The following RNF4 variants were observed in gnomAD, a reference collection of about 807,000 sequenced individuals.
RNF4 encodes E3 ubiquitin-protein ligase RNF4.
A neutral mutation model predicts 24.3 loss-of-function variants in RNF4; 7 were observed. The ratio of observed to expected loss-of-function variants is 0.29; its 90% CI spans 0.16 to 0.54. The LOEUF is 0.54. Among genes scored for constraint, RNF4 ranks in the 20% least tolerant of loss-of-function variants. The pLI, the probability that RNF4 is intolerant of heterozygous loss-of-function variation, is 0.95. For missense variants in RNF4, 209 were observed against 248.5 expected, an observed-to-expected ratio of 0.84 and a Z score of 1.07; for synonymous variants, 83 against 84.3, an observed-to-expected ratio of 0.98 and a Z score of 0.09.
intron 4 of RNF4, among the ~76,000 whole-genome samples, chr4:2,501,482 C>T (rs1042303037): frequency 6.6e-6 from 1 of 152,188 alleles, no homozygotes. Context: ...CTGCAGGGGA[C>T]GTGTGTATAC....
intron 1 of RNF4, chr4:2,469,988 C>T (rs1239616935): frequency 6.6e-6 from 1 of 152,266 alleles, no homozygotes; most frequent in Non-Finnish European, 1.5e-5. Context: ...CGCTTTTCCG[C>T]CTTTGATCCA....
chr4:2,472,667 C>T (rs987223287), intron 1 of RNF4, among the ~76,000 whole-genome samples: 4 of 151,070 alleles, frequency 2.6e-5, no homozygotes, highest in Non-Finnish European at 4.4e-5. Context: ...GCTACAGCTA[C>T]ATAGATTGTG....
rs1735761869 is a variant in RNF4 at position 2,497,139 on chromosome 4, A to G, written c.124+18A>G. Reference sequence around the variant, plus strand: ...GGAAACTGGTAAGATTGCCAGGGACACTACAACTGTGGGGTGTTAAAGTGG... The same window carrying G: ...GGAAACTGGTAAGATTGCCAGGGACGCTACAACTGTGGGGTGTTAAAGTGG... On this transcript the variant is annotated intron_variant, in intron 3 of 7. Coordinates refer to ENST00000314289, the MANE Select transcript of RNF4 (RefSeq NM_002938.5). 7.0e-6 allele frequency: 11 copies of G among 1,566,878 alleles called. No individual in the cohort carries two copies. Among genetic ancestry groups the G allele is most frequent in the Middle Eastern group, 1.7e-4 (1 of 6,002 alleles).
chr4:2,512,115 A>G lies in RNF4; in HGVS notation c.214+150A>G, dbSNP rs2269490. 0.87 allele frequency: 609,218 copies of G among 700,108 alleles called. 265,656 individuals are homozygous for G. Among genetic ancestry groups the G allele is most frequent in the African/African-American group, 0.93 (51,976 of 55,698 alleles). The allele number at this position is 700,108 out of a possible 1,614,324, so 43.4% of individuals were successfully genotyped here. A position where few individuals can be genotyped will look rare whatever the true frequency, so the allele number is the denominator to read the frequency against. On this transcript the variant is annotated intron_variant, in intron 5 of 7. Coordinates refer to ENST00000314289, the MANE Select transcript of RNF4 (RefSeq NM_002938.5). The surrounding 1 kb of genome is among the most constrained non-coding windows in gnomAD (Gnocchi z 4.1). ...CTTCGCAGATGCTGTGGTCAGACCC[A>G]CACAGCCAGTCCCCCTTGTGCCTGC... is the stretch of plus-strand genomic sequence containing the variant.
At chr4:2,497,304 A>C (rs377036277) in intron 3 of RNF4, 183 bp downstream of exon 3, 24 of 499,124 alleles carry the variant, frequency 4.8e-5, no homozygotes, top group East Asian at 3.6e-4. Flanking sequence ...TAACTGTTCA[A>C]CTCTGGTAAT....
In RNF4 at chr4:2,511,852, T is replaced by C. The variant is rs181533370; in HGVS notation, c.205-104T>C. On this transcript the variant is annotated intron_variant, in intron 4 of 7. Transcript: ENST00000314289. Reference sequence around the variant, plus strand: ...GGGCCTCTGCTGCTCACCAGAGGGTTCCACAGAGGGTGTCACACGTCAGAA... The same window carrying C: ...GGGCCTCTGCTGCTCACCAGAGGGTCCCACAGAGGGTGTCACACGTCAGAA... 355 of 1,177,842 alleles carry C rather than the reference T, an allele frequency of 3.0e-4. 1 individual carries two copies. Among genetic ancestry groups the C allele is most frequent in the Non-Finnish European group, 3.9e-4 (312 of 809,614 alleles). 73.0% of individuals were successfully genotyped at this position (1,177,842 alleles called of 1,614,324 possible).
At chr4:2,485,458 T>A (rs1397690979) in intron 1 of RNF4, among the ~76,000 whole-genome samples, 5 of 152,240 alleles carry the variant, frequency 3.3e-5, no homozygotes, top group Non-Finnish European at 5.9e-5. Context: ...TCCAGCTACC[T>A]TGGGCCCTTT....
intron 1 of RNF4, among the ~76,000 whole-genome samples, chr4:2,475,419 A>C (rs1402836384): frequency 1.3e-5 from 2 of 151,844 alleles, no homozygotes; most frequent in Non-Finnish European, 2.9e-5. Context: ...GCTCATTGCA[A>C]GCTCCGCCTC....
chr4:2,502,199 G>GT (rs1560410773), intron 4 of RNF4, among the ~76,000 whole-genome samples: 1 of 152,122 alleles, frequency 6.6e-6, no homozygotes, highest in East Asian at 1.9e-4. Flanking sequence ...GTCTGCAGAA[G>GT]TTTTTTTGTT....
At position 2,500,514 on chromosome 4, in the gene RNF4, G is replaced by A. The variant is rs528428593; in HGVS notation, c.125-145G>A. 42 of 739,842 alleles carry A rather than the reference G, an allele frequency of 5.7e-5. 1 individual carries two copies. The South Asian group carries it at 7.0e-4, about 12-fold the overall frequency. The allele number at this position is 739,842 out of a possible 1,614,324, so 45.8% of individuals were successfully genotyped here. ...GCTTTCCCTCCTGAGGGAGGTGTTG[G>A]TCCTGGTGCTCTTTGCAGTGTATAC... is the stretch of plus-strand genomic sequence containing the variant. On this transcript the variant is annotated intron_variant, in intron 3 of 7. Coordinates refer to ENST00000314289, the MANE Select transcript of RNF4 (RefSeq NM_002938.5).
At position 2,487,104 on chromosome 4, in the gene RNF4, G is replaced by C. The variant is rs767117384; in HGVS notation, c.-157-3233G>C. Among the ~76,000 whole-genome samples the C allele has an allele frequency of 2.0e-5, 3 of 152,180 alleles. No homozygotes were observed. In the South Asian group the frequency reaches 6.2e-4, roughly 32 times the overall value. On this transcript the variant is annotated intron_variant, in intron 1 of 7. Coordinates refer to ENST00000314289, the MANE Select transcript of RNF4 (RefSeq NM_002938.5). ...CTTCCCTGAATGTCTGTTTAAAGTT[G>C]AACACTTACCAGGTGAGGTGTTGCT... is the stretch of plus-strand genomic sequence containing the variant.
chr4:2,479,615 T>C (rs934217930), intron 1 of RNF4, among the ~76,000 whole-genome samples: 15 of 152,174 alleles, frequency 9.9e-5, no homozygotes, highest in Admixed American at 5.2e-4. Flanking sequence ...CTCCTTGCCT[T>C]CCACCTTGAT....
chr4:2,487,749 C>T lies in RNF4; in HGVS notation c.-157-2588C>T, dbSNP rs547675412. On this transcript the variant is annotated intron_variant, in intron 1 of 7. Transcript: ENST00000314289. ...ATTTGTGCATTCTGTTGAGAGCACC[C>T]GTAGTCCCATAGTATGGGCCAGCCT... Among the ~76,000 whole-genome samples, 47 of 152,272 alleles carry T rather than the reference C, an allele frequency of 3.1e-4. 1 individual carries two copies. The South Asian group carries it at 6.4e-3, about 21-fold the overall frequency.
chr4:2,502,822 C>T lies in RNF4; in HGVS notation c.204+2084C>T, dbSNP rs368866293. On this transcript the variant is annotated intron_variant, in intron 4 of 7. Transcript: ENST00000314289. ...TCGCGCCACTGCACTCAAGCCTGGGCGACAGAGCAAGACTCTGTCTCAAAA... is the reference window on the plus strand; with the variant it reads ...TCGCGCCACTGCACTCAAGCCTGGGTGACAGAGCAAGACTCTGTCTCAAAA... 2.1e-4 allele frequency among the ~76,000 whole-genome samples: 31 copies of T among 146,644 alleles called. No individual in the cohort carries two copies. In the East Asian group the frequency reaches 2.2e-3, roughly 10 times the overall value.
intron 4 of RNF4, among the ~76,000 whole-genome samples, chr4:2,511,664 T>A (rs1321631315): frequency 2.0e-5 from 3 of 151,990 alleles, no homozygotes; most frequent in Non-Finnish European, 2.9e-5. Context: ...GGTCTTGCAG[T>A]CAGCACATGG....
chr4:2,477,456 A>G (rs1209839361), intron 1 of RNF4, among the ~76,000 whole-genome samples: 1 of 152,118 alleles, frequency 6.6e-6, no homozygotes, highest in Non-Finnish European at 1.5e-5. Context: ...ATGGTGGTAC[A>G]TGCCTGTAGT....
At position 2,513,727 on chromosome 4, in the gene RNF4, C is replaced by G; in HGVS notation, c.481C>G (p.Gln161Glu). Residue 161 changes from glutamine to glutamate, a missense_variant, in exon 8 of 8, where the codon CAG becomes GAG. Coordinates refer to ENST00000314289, the MANE Select transcript of RNF4 (RefSeq NM_002938.5). ...STECGHVFCSQCLRDSLKNAN... is the reference protein window; with the variant it reads ...STECGHVFCSECLRDSLKNAN... ...AGAATGCGGCCATGTCTTCTGTAGC[C>G]AGTGCCTCCGTGATTCCCTGAAGAA... The G allele has an allele frequency of 6.2e-7, 1 of 1,613,958 alleles. No individual in the cohort carries two copies. Among genetic ancestry groups the G allele is most frequent in the Middle Eastern group, 1.6e-4 (1 of 6,062 alleles).
rs1415800997 is a variant in RNF4, at chr4:2,490,364, G to C, written c.-130G>C. The C allele has an allele frequency of 1.2e-6, 1 of 804,406 alleles. No individual in the cohort carries two copies. Among genetic ancestry groups the C allele is most frequent in the African/African-American group, 1.7e-5 (1 of 57,700 alleles). 49.8% of individuals were successfully genotyped at this position (804,406 alleles called of 1,614,324 possible). Reference sequence around the variant, plus strand: ...CTTGAAAATACTGGAAATCTGTCCGGATCCAAATTATTTTGCAAGCCAGAT... The same window carrying C: ...CTTGAAAATACTGGAAATCTGTCCGCATCCAAATTATTTTGCAAGCCAGAT... On this transcript the variant is annotated 5_prime_UTR_variant, in exon 2 of 8. Coordinates refer to ENST00000314289, the MANE Select transcript of RNF4 (RefSeq NM_002938.5).
intron 4 of RNF4, among the ~76,000 whole-genome samples, chr4:2,509,729 G>GC (rs1266481713): frequency 2.0e-5 from 3 of 152,150 alleles, no homozygotes; most frequent in African/African-American, 7.2e-5. Context: ...CCACAGGCAA[G>GC]CTGGGTATGA....
Sources: gnomAD v4.1 joint callset for allele counts (sites outside exome capture counted in the v4.1 genomes callset) on GRCh38, gnomAD v4.1.1 for gene constraint, Gnocchi (gnomAD v3.1) non-coding constraint, MANE v1.5 for transcripts, NCBI Gene and HGNC (gene_info 2026-07-23, HGNC 2026-07-21) for gene names.